The following DENND2B variants were observed in gnomAD, a reference collection of about 807,000 sequenced individuals.
DENND2B encodes DENN domain containing 2B, also known as DENN domain-containing protein 2B.
A neutral mutation model predicts 116.0 loss-of-function variants in DENND2B; 32 were observed. The ratio of observed to expected loss-of-function variants is 0.28; its 90% CI spans 0.21 to 0.37. DENND2B has a LOEUF of 0.37. Ranked by LOEUF, DENND2B falls within the 10% of genes least tolerant of loss-of-function variation. DENND2B has a pLI of 1.00. For synonymous variants in DENND2B, 588 were observed against 583.9 expected (o/e 1.01, Z -0.10); for missense variants, 1,276 against 1,477.7 (o/e 0.86, Z 2.24).
intron 4 of DENND2B, among the ~76,000 whole-genome samples, chr11:8,823,559 C>T (rs778810013): frequency 1.3e-5 from 2 of 152,084 alleles, no homozygotes; most frequent in Non-Finnish European, 2.9e-5. Flanking sequence ...ATTTCCCCCA[C>T]GCTGTTTTCA....
At position 8,718,362 on chromosome 11, in the gene DENND2B, G is replaced by A. The variant is rs1158672670; in HGVS notation, c.1478-470C>T. On this transcript the variant is annotated intron_variant, in intron 4 of 19. Coordinates refer to ENST00000313726, the MANE Select transcript of DENND2B (RefSeq NM_213618.2). ...GGGGATCTCCCTGGGGACCTACTTTGGAGGGTGGGCATGGAGGAACTCACA... is the reference window on the plus strand; with the variant it reads ...GGGGATCTCCCTGGGGACCTACTTTAGAGGGTGGGCATGGAGGAACTCACA... 2.0e-6 allele frequency: 3 copies of A among 1,535,254 alleles called. No individual in the cohort carries two copies. The South Asian group carries it at 3.6e-5, about 18-fold the overall frequency.
At chr11:8,846,104 C>T (rs1244579045) in intron 3 of DENND2B, among the ~76,000 whole-genome samples, 4 of 152,118 alleles carry the variant, frequency 2.6e-5, no homozygotes, top group South Asian at 2.1e-4. Flanking sequence ...GTCCACAGAG[C>T]AACACAGACA....
intron 1 of DENND2B, among the ~76,000 whole-genome samples, chr11:8,770,302 G>A (rs2134174424): frequency 6.6e-6 from 1 of 152,310 alleles, no homozygotes; most frequent in East Asian, 1.9e-4. Context: ...TCACAAAGGA[G>A]GAGGCTGGGG....
chr11:8,727,365 C>CA (rs1404329722), intron 3 of DENND2B, among the ~76,000 whole-genome samples: 2 of 152,210 alleles, frequency 1.3e-5, no homozygotes, highest in Non-Finnish European at 2.9e-5. Context: ...TGCCCCGCCC[C>CA]AAGCACTCAA....
chr11:8,878,240 G>C (rs773445096), intron 2 of DENND2B, among the ~76,000 whole-genome samples: 89 of 152,120 alleles, frequency 5.9e-4, no homozygotes, highest in Non-Finnish European at 1.3e-4. Flanking sequence ...GTTAAACATA[G>C]AATTACCATG....
At chr11:8,734,591 CAG>C in intron 2 of DENND2B, among the ~76,000 whole-genome samples, 1 of 152,104 alleles carries the variant, frequency 6.6e-6, no homozygotes, top group East Asian at 1.9e-4. Flanking sequence ...AGTTCAAGAC[CAG>C]CCTGGCCAAC....
chr11:8,803,597 G>A (rs2060547214), intron 1 of DENND2B, among the ~76,000 whole-genome samples: 1 of 152,210 alleles, frequency 6.6e-6, no homozygotes, highest in African/African-American at 2.4e-5. Flanking sequence ...CAGGAAGGAT[G>A]GATTATTAAC....
At chr11:8,881,087 C>T (rs2063899688) in exon 2 of DENND2B, 1 of 152,152 alleles carries the variant, frequency 6.6e-6, no homozygotes, top group African/African-American at 2.4e-5. Flanking sequence ...TGAGTATCTC[C>T]TCCAGTGGTT....
chr11:8,730,258 A>C lies in DENND2B; in HGVS notation c.1032T>G (p.Val344=), dbSNP rs1403270573. The change falls in exon 3 of 20, where the codon GTT becomes GTG. Residue 344 remains valine, a synonymous_variant. Coordinates refer to ENST00000313726, the MANE Select transcript of DENND2B (RefSeq NM_213618.2). This position sits in a 1 kb window ranked among gnomAD's most constrained non-coding sequence, Gnocchi z 4.1. The stretch of plus-strand genomic sequence containing the variant: ...CTGGGGGTGGGCCCGCCTCCCCCGC[A>C]ACACCAGCCACTCCGACTGCCCGGC... ...AGSRAVGVAG[V]AGEAGPPPER... 1 of 1,610,984 alleles carries C rather than the reference A, an allele frequency of 6.2e-7. No homozygotes were observed. The highest frequency in any genetic ancestry group is 2.2e-5 in the East Asian group (1 of 44,868).
chr11:8,707,797 A>G lies in DENND2B; in HGVS notation c.2410T>C (p.Cys804Arg), dbSNP rs2042876455. 1 of 1,610,968 alleles carries G rather than the reference A, an allele frequency of 6.2e-7. No individual in the cohort carries two copies. The highest frequency in any genetic ancestry group is 1.3e-5 in the African/African-American group (1 of 74,922). Residue 804 changes from cysteine (C) to arginine (R), a missense_variant, in exon 12 of 20, where the codon TGC becomes CGC. Coordinates refer to ENST00000313726, the MANE Select transcript of DENND2B (RefSeq NM_213618.2). The surrounding 1 kb of genome is among the most constrained non-coding windows in gnomAD (Gnocchi z 4.8). ...EVYCVISRLG[C>R]FGLFSKVLDE... ...CTTACCTTGGAAAACAAGCCGAAGC[A>G]GCCAAGGCGGCTGATGACACAGTAC...
At chr11:8,715,477 T>G (rs774619404) in intron 6 of DENND2B, 126 bp downstream of exon 6, 29 of 944,338 alleles carry the variant, frequency 3.1e-5, no homozygotes, top group Non-Finnish European at 4.3e-5. Context: ...GACCCAGAAT[T>G]TATTCAAAGG....
chr11:8,895,257 G>C (rs185127178), intron 1 of DENND2B, among the ~76,000 whole-genome samples: 76 of 152,246 alleles, frequency 5.0e-4, no homozygotes, highest in Admixed American at 3.1e-3. Flanking sequence ...TGTGGGGTAG[G>C]GGGGTGGGAG....
At chr11:8,789,763 GC>G (rs1461234092) in intron 1 of DENND2B, among the ~76,000 whole-genome samples, 17 of 146,132 alleles carry the variant, frequency 1.2e-4, no homozygotes, top group Non-Finnish European at 1.8e-4. Flanking sequence ...CACAACAAGA[GC>G]CCCATCTCTA....
chr11:8,754,210 G>T (rs147588597), intron 1 of DENND2B, among the ~76,000 whole-genome samples: 1 of 152,092 alleles, frequency 6.6e-6, no homozygotes, highest in Non-Finnish European at 1.5e-5. Flanking sequence ...AATATATAAA[G>T]AATTCTTTCA....
At chr11:8,805,536 A>C (rs2060763887) in intron 1 of DENND2B, among the ~76,000 whole-genome samples, 1 of 152,180 alleles carries the variant, frequency 6.6e-6, no homozygotes, top group Non-Finnish European at 1.5e-5. Flanking sequence ...AGAAGCTTCA[A>C]CACAGGCCTA....
chr11:8,702,633 T>A lies in DENND2B; in HGVS notation c.2659A>T (p.Ile887Phe). Residue 887 changes from isoleucine (I) to phenylalanine (F), a missense_variant, in exon 14 of 20, where the codon ATC becomes TTC. By Grantham distance (21) the Ile-to-Phe change is conservative. Transcript: ENST00000313726. This position sits in a 1 kb window ranked among gnomAD's most constrained non-coding sequence, Gnocchi z 4.6. ...LFTCLSVRQL[I>F]RIFASLLLER... is the part of the protein sequence containing the mutation. ...AGCAGCAGTGAGGCAAAGATTCGGA[T>A]GAGCTGGCGCACACTGAGGCAGGTA... The A allele has an allele frequency of 6.2e-7, 1 of 1,613,930 alleles. No individual in the cohort carries two copies. Among genetic ancestry groups the A allele is most frequent in the Non-Finnish European group, 8.5e-7 (1 of 1,180,034 alleles).
At chr11:8,871,044 AGG>A (rs2063766094) in exon 2 of DENND2B, 1 of 151,988 alleles carries the variant, frequency 6.6e-6, no homozygotes, top group Admixed American at 6.6e-5. Context: ...TCCTGCAGAG[AGG>A]GCGGGCGGCG....
Position 8,880,345 on chromosome 11 carries a change from C to CTGGGTGTGTGTG in DENND2B, c.-156+664_-156+665insCACACACACCCA, listed in dbSNP as rs71485245. On this transcript the variant is annotated intron_variant, in intron 2 of 22. Transcript: ENST00000534127. ...ATGCACTGGAAGCTGTCACTTTGAA[C>CTGGGTGTGTGTG]TGTGTGTGTGTGTGTGTGTGTGTGT... Among the ~76,000 whole-genome samples, 439 of 120,648 alleles carry CTGGGTGTGTGTG rather than the reference C, an allele frequency of 3.6e-3. 3 individuals are homozygous for CTGGGTGTGTGTG. Among genetic ancestry groups the CTGGGTGTGTGTG allele is most frequent in the East Asian group, 0.018 (74 of 4,084 alleles). 79.1% of individuals were successfully genotyped at this position (120,648 alleles called of 152,430 possible). A position where few individuals can be genotyped will look rare whatever the true frequency, so the allele number is the denominator to read the frequency against.
intron 4 of DENND2B, among the ~76,000 whole-genome samples, chr11:8,723,809 G>T (rs2046602538): frequency 6.6e-6 from 1 of 152,178 alleles, no homozygotes. Flanking sequence ...CGGTTCTAGG[G>T]ACCTCATTCC....
Sources: gnomAD v4.1 joint callset for allele counts (sites outside exome capture counted in the v4.1 genomes callset) on GRCh38, gnomAD v4.1.1 for gene constraint, Gnocchi (gnomAD v3.1) non-coding constraint, MANE v1.5 for transcripts, NCBI Gene and HGNC (gene_info 2026-07-23, HGNC 2026-07-21) for gene names.